CEP192: variants seen among roughly 807,000 people sequenced by gnomAD.
The protein encoded by CEP192 is centrosomal protein of 192 kDa.
A neutral mutation model predicts 271.8 loss-of-function variants in CEP192; 151 were observed. The ratio of observed to expected loss-of-function variants is 0.56; its 90% CI spans 0.49 to 0.64. The LOEUF is 0.64. Ranked by LOEUF, CEP192 falls within the 30% of genes least tolerant of loss-of-function variation. The pLI is 0.00. For missense variants in CEP192, 2,910 were observed against 3,020.5 expected (o/e 0.96, Z 0.86); for synonymous variants, 995 against 1,076.5 (o/e 0.92, Z 1.48).
chr18:13,029,954 G>A lies in CEP192; in HGVS notation c.1342G>A (p.Glu448Lys). ...TGATGCCATTTGGTCACCAACTTGT[G>A]AAAGGCGAACATGTGAATGTCACGA... Reference protein sequence around the residue: ...FTDAIWSPTCERRTCECHESI... With the variant: ...FTDAIWSPTCKRRTCECHESI... Residue 448 changes from glutamate to lysine, a missense_variant, in exon 10 of 45, where the codon GAA becomes AAA. Physicochemically the swap from Glu to Lys is moderately conservative, Grantham distance 56 (BLOSUM62 1). Coordinates refer to ENST00000506447, the MANE Select transcript of CEP192 (RefSeq NM_032142.4). 6.4e-7 allele frequency: 1 copy of A among 1,551,530 alleles called. No homozygotes were observed. Among genetic ancestry groups the A allele is most frequent in the Non-Finnish European group, 8.7e-7 (1 of 1,146,846 alleles).
At chr18:13,094,594 C>CT (rs971611468) in intron 34 of CEP192, among the ~76,000 whole-genome samples, 63 of 152,174 alleles carry the variant, frequency 4.1e-4, no homozygotes, top group African/African-American at 1.4e-3. Context: ...CTGCCCCACC[C>CT]TGGAATAACC....
intron 15 of CEP192, 37 bp downstream of exon 15, chr18:13,042,371 C>G: frequency 3.1e-6 from 5 of 1,608,090 alleles, no homozygotes; most frequent in Middle Eastern, 1.7e-4. Flanking sequence ...CTAAGATTAT[C>G]TTGTTGTAGT....
Position 12,997,154 on chromosome 18 carries a change from C to T in CEP192, c.-4-2267C>T, listed in dbSNP as rs377602129. Among the ~76,000 whole-genome samples the T allele has an allele frequency of 8.5e-5, 13 of 152,100 alleles. No individual in the cohort carries two copies. In the Middle Eastern group the frequency reaches 0.01, roughly 119 times the overall value. On this transcript the variant is annotated intron_variant, in intron 1 of 44. Coordinates refer to ENST00000506447, the MANE Select transcript of CEP192 (RefSeq NM_032142.4). ...TGTCAGTGCAGTGAGGGGTTGGGAT[C>T]GAGTGCAAAGTGAAGAGGTGGGCTT... is the stretch of plus-strand genomic sequence containing the variant.
rs138493116 is a variant in CEP192 at position 13,049,180 on chromosome 18, T to C, written c.2389T>C (p.Leu797=). 8.8e-5 allele frequency: 142 copies of C among 1,613,996 alleles called. 1 individual carries two copies. The African/African-American group carries it at 1.6e-3, about 18-fold the overall frequency. ...KTEVSRYESA[L]ENFSRASMSD... ...AGAAGTTAGTAGATATGAAAGTGCA[T>C]TGGAAAACTTTTCAAGGGCTAGTAT... Residue 797 remains leucine (L), a synonymous_variant, in exon 16 of 45, where the codon TTG becomes CTG. Coordinates refer to ENST00000506447, the MANE Select transcript of CEP192 (RefSeq NM_032142.4).
chr18:13,115,090 T>C (rs1299906067), intron 42 of CEP192, among the ~76,000 whole-genome samples: 3 of 152,246 alleles, frequency 2.0e-5, no homozygotes, highest in Non-Finnish European at 4.4e-5. Flanking sequence ...ATTTATTTTT[T>C]AATGGGAGCC....
chr18:13,109,094 T>G (rs568134604), intron 40 of CEP192, among the ~76,000 whole-genome samples: 7 of 152,284 alleles, frequency 4.6e-5, no homozygotes, highest in Admixed American at 2.0e-4. Context: ...ATACATGCAC[T>G]TGCACATTCA....
chr18:13,086,620 T>C (rs554373464), intron 30 of CEP192, among the ~76,000 whole-genome samples: 58 of 152,330 alleles, frequency 3.8e-4, no homozygotes, highest in African/African-American at 1.3e-3. Context: ...ACAGGATCTG[T>C]TCCTATTTGG....
intron 9 of CEP192, among the ~76,000 whole-genome samples, chr18:13,020,026 G>C (rs567043802): frequency 1.3e-5 from 2 of 152,086 alleles, no homozygotes; most frequent in South Asian, 4.1e-4. Flanking sequence ...TGTCAGGCAG[G>C]TCTCAAACTC....
In CEP192 at chr18:12,991,397, C is replaced by G. The variant is rs1296134785; in HGVS notation, c.-45C>G. 3 of 152,430 alleles carry G rather than the reference C, an allele frequency of 2.0e-5. No individual in the cohort carries two copies. The highest frequency in any genetic ancestry group is 4.4e-5 in the Non-Finnish European group (3 of 68,196). The allele number at this position is 152,430 out of a possible 1,614,324, so 9.4% of individuals were successfully genotyped here. ...GACACCTCTTCAGTCCGTGGACTTT[C>G]CCGCTGCACACTGCCCTCCGAAGTC... On this transcript the variant is annotated 5_prime_UTR_variant, in exon 1 of 45. Coordinates refer to ENST00000506447, the MANE Select transcript of CEP192 (RefSeq NM_032142.4).
At chr18:13,117,720 TCTC>T in intron 44 of CEP192, 77 bp downstream of exon 44, 1 of 1,041,694 alleles carries the variant, frequency 9.6e-7, no homozygotes, top group South Asian at 1.3e-5. Context: ...GCTTGTGAGG[TCTC>T]CTCTGCTGCA....
At chr18:13,111,756 A>C (rs1216943711) in intron 40 of CEP192, among the ~76,000 whole-genome samples, 2 of 152,252 alleles carry the variant, frequency 1.3e-5, no homozygotes, top group Non-Finnish European at 2.9e-5. Context: ...AGAATACGTA[A>C]AGAACTCTTA....
chr18:13,067,743 G>T (rs2037786072), intron 21 of CEP192, 88 bp from the exon 22 acceptor site: 1 of 1,094,588 alleles, frequency 9.1e-7, no homozygotes, highest in East Asian at 2.4e-5. Context: ...CTCATAATTT[G>T]TGGCTAGAAA....
chr18:13,093,513 A>AC (rs1191686992), intron 34 of CEP192, among the ~76,000 whole-genome samples: 1 of 152,216 alleles, frequency 6.6e-6, no homozygotes. Context: ...AGAATCAAAG[A>AC]CTTCATCCAG....
In CEP192 at chr18:13,041,561, C is replaced by CTT. The variant is rs367569854; in HGVS notation, c.1936+613_1936+614dup. 4.1e-3 allele frequency among the ~76,000 whole-genome samples: 604 copies of CTT among 149,040 alleles called. 5 individuals are homozygous for CTT. Among genetic ancestry groups the CTT allele is most frequent in the African/African-American group, 0.014 (563 of 40,616 alleles). On this transcript the variant is annotated intron_variant, in intron 14 of 44. Coordinates refer to ENST00000506447, the MANE Select transcript of CEP192 (RefSeq NM_032142.4). ...CCCACTTATTTCTTTCTTTTCTTCTCTTTTTTTTTGAGACAGTCTCTTTTT... is the reference window on the plus strand; with the variant it reads ...CCCACTTATTTCTTTCTTTTCTTCTCTTTTTTTTTTTGAGACAGTCTCTTTTT...
intron 3 of CEP192, among the ~76,000 whole-genome samples, chr18:13,006,444 G>C (rs969452853): frequency 3.9e-5 from 6 of 152,098 alleles, no homozygotes; most frequent in Non-Finnish European, 7.4e-5. Flanking sequence ...TGTAGGACTT[G>C]AATATTGCAT....
intron 21 of CEP192, among the ~76,000 whole-genome samples, chr18:13,063,067 C>G (rs2037495621): frequency 6.6e-6 from 1 of 152,176 alleles, no homozygotes; most frequent in African/African-American, 2.4e-5. Flanking sequence ...TCTCATTCTT[C>G]CTATGGCTGA....
rs56913743 is a variant in CEP192 at position 13,095,592 on chromosome 18, G to T, written c.6344G>T (p.Arg2115Leu). ...CCTCAGGGTTCTCCTCTTCTCTCAC[G>T]GGCGGCTCGCCCGCCTCTGGATCAG... The part of the protein sequence containing the change: ...KGPQGSPLLS[R>L]AARPPLDQLA... Residue 2115 changes from arginine (R) to leucine (L), a missense_variant, in exon 35 of 45, where the codon CGG (arginine) becomes CTG (leucine). Transcript: ENST00000506447. 2.5e-6 allele frequency: 4 copies of T among 1,614,038 alleles called. No homozygotes were observed. Among genetic ancestry groups the T allele is most frequent in the Non-Finnish European group, 3.4e-6 (4 of 1,179,974 alleles).
At position 13,049,891 on chromosome 18, in the gene CEP192, G is replaced by T. The variant is rs545329737; in HGVS notation, c.3017G>T (p.Gly1006Val). The T allele has an allele frequency of 6.2e-7, 1 of 1,612,478 alleles. No homozygotes were observed. Among genetic ancestry groups the T allele is most frequent in the African/African-American group, 1.3e-5 (1 of 74,852 alleles). Residue 1006 changes from glycine (G) to valine (V), a missense_variant and splice_region_variant, in exon 17 of 45, where the codon GGG becomes GTG. By Grantham distance (109) the Gly-to-Val change is moderately radical (BLOSUM62 -3). Transcript: ENST00000506447. ...PSEISGTSSS[G>V]CALESFGSAA... ...GAAATTTCTGGAACGAGTTCATCAGGGTAAGTGTGTACCTTCTTTTTTAAA... is the reference window on the plus strand; with the variant it reads ...GAAATTTCTGGAACGAGTTCATCAGTGTAAGTGTGTACCTTCTTTTTTAAA...
intron 9 of CEP192, among the ~76,000 whole-genome samples, chr18:13,026,242 T>G (rs755468834): frequency 6.6e-6 from 1 of 152,228 alleles, no homozygotes; most frequent in Non-Finnish European, 1.5e-5. Flanking sequence ...TTGTTCTCTG[T>G]GAGCAAGGTG....
Sources: gnomAD v4.1 joint callset for allele counts (sites outside exome capture counted in the v4.1 genomes callset) on GRCh38, gnomAD v4.1.1 for gene constraint, MANE v1.5 for transcripts, NCBI Gene and HGNC (gene_info 2026-07-23, HGNC 2026-07-21) for gene names.